The following GLT8D2 variants were observed in gnomAD, a reference collection of about 807,000 sequenced individuals.
GLT8D2 encodes glycosyltransferase 8 domain-containing protein 2.
A neutral mutation model predicts 44.5 loss-of-function variants in GLT8D2; 45 were observed. The observed-to-expected ratio is 1.01, with a 90% CI of 0.80 to 1.30. GLT8D2 has a LOEUF of 1.30. Ranked by LOEUF, GLT8D2 falls within the 50% of genes most tolerant of loss-of-function variation. The pLI, the probability that GLT8D2 is intolerant of heterozygous loss-of-function variation, is 0.00. For synonymous variants in GLT8D2, 156 were observed against 157.2 expected (o/e 0.99, Z 0.06); for missense variants, 400 against 430.4 (o/e 0.93, Z 0.62).
At chr12:104,052,794 T>G (rs1881838148), upstream of GLT8D2, among the ~76,000 whole-genome samples, 1 of 151,968 alleles carries the variant, frequency 6.6e-6, no homozygotes, top group South Asian at 2.1e-4. Context: ...TGTAGAGACG[T>G]GTCTTGCTAT....
At chr12:104,016,709 G>GAGAA (rs550246831) in intron 3 of GLT8D2, among the ~76,000 whole-genome samples, 1,748 of 72,566 alleles carry the variant, frequency 0.024, 52 homozygotes, top group East Asian at 0.05. Flanking sequence ...GAAAGGGAGA[G>GAGAA]AGAAAGAAAG....
intron 1 of GLT8D2, among the ~76,000 whole-genome samples, chr12:104,030,383 AT>A (rs1306781872): frequency 6.6e-6 from 1 of 151,874 alleles, no homozygotes; most frequent in East Asian, 1.9e-4. Flanking sequence ...CATTTTTATT[AT>A]TTATTAATTT....
chr12:104,059,698 A>G (rs896273146), intron 1 of GLT8D2, among the ~76,000 whole-genome samples: 2 of 152,054 alleles, frequency 1.3e-5, no homozygotes, highest in African/African-American at 4.8e-5. Flanking sequence ...GTAGTCTGGG[A>G]AAGTTCTTAT....
At chr12:104,015,400 A>ACACG (rs1876434345) in intron 3 of GLT8D2, among the ~76,000 whole-genome samples, 2 of 144,262 alleles carry the variant, frequency 1.4e-5, no homozygotes, top group African/African-American at 5.2e-5. Context: ...ACAAACACAC[A>ACACG]CACACACACA....
Position 104,004,393 on chromosome 12 carries a change from G to A in GLT8D2, c.113-1087C>T, listed in dbSNP as rs189427661. Among the ~76,000 whole-genome samples the A allele has an allele frequency of 1.8e-3, 267 of 152,270 alleles. 1 individual carries two copies. Among genetic ancestry groups the A allele is most frequent in the African/African-American group, 6.2e-3 (259 of 41,544 alleles). ...AGTTCTGGCCAGGGCAATCAGGCAG[G>A]AGAAAGAAATAAAGGGTATTCATTT... On this transcript the variant is annotated intron_variant, in intron 4 of 10. Coordinates refer to ENST00000360814, the MANE Select transcript of GLT8D2 (RefSeq NM_001384711.1).
chr12:104,019,118 C>CTTTTTTTTTTTTTTT (rs11291563), intron 3 of GLT8D2, among the ~76,000 whole-genome samples: 1 of 116,466 alleles, frequency 8.6e-6, no homozygotes. Flanking sequence ...ACTTCTTCTT[C>CTTTTTTTTTTTTTTT]TTTTTTTTTT....
At chr12:104,048,056 C>T (rs539056890) in intron 1 of GLT8D2, among the ~76,000 whole-genome samples, 30 of 152,334 alleles carry the variant, frequency 2.0e-4, no homozygotes, top group African/African-American at 6.7e-4. Flanking sequence ...AGTTTGCTGA[C>T]TTCTGATCTC....
chr12:104,051,161 C>T (rs898833392), upstream of GLT8D2, among the ~76,000 whole-genome samples: 3 of 151,250 alleles, frequency 2.0e-5, no homozygotes, highest in African/African-American at 7.3e-5. Flanking sequence ...TGCTCTGTTA[C>T]TCAGGCTGGA....
intron 3 of GLT8D2, among the ~76,000 whole-genome samples, chr12:104,018,754 T>G (rs1053692005): frequency 6.6e-6 from 1 of 152,120 alleles, no homozygotes; most frequent in Non-Finnish European, 1.5e-5. Context: ...TCATGCAATA[T>G]TTGGGACATA....
chr12:103,997,531 T>G lies in GLT8D2; in HGVS notation c.407A>C (p.Asn136Thr), dbSNP rs117446651. Residue 136 changes from asparagine (N) to threonine (T), a missense_variant, in exon 7 of 11, where the codon AAC becomes ACC. Transcript: ENST00000360814. ...TAGAGGGAGATAAAATCGAACAAAG[T>G]TCAGCTGTTAAAACGACAAAAGAAA... ...SSRPELLQPL[N>T]FVRFYLPLLI... 2.0e-5 allele frequency: 33 copies of G among 1,612,422 alleles called. No individual in the cohort carries two copies. The highest frequency in any genetic ancestry group is 2.5e-5 in the Non-Finnish European group (29 of 1,178,506).
In GLT8D2 at chr12:104,019,589, A is replaced by G. The variant is rs752289245; in HGVS notation, c.19+41T>C. 4.6e-6 allele frequency: 7 copies of G among 1,516,590 alleles called. No individual in the cohort carries two copies. The African/African-American group carries it at 8.2e-5, about 18-fold the overall frequency. 93.9% of individuals were successfully genotyped at this position (1,516,590 alleles called of 1,614,324 possible). The stretch of plus-strand genomic sequence containing the variant: ...CCCAGCCTCAAAACCATCCTCCCAA[A>G]TATGTTTTTAAATCATTATTTTCAA... On this transcript the variant is annotated intron_variant, in intron 3 of 10. Coordinates refer to ENST00000360814, the MANE Select transcript of GLT8D2 (RefSeq NM_001384711.1).
intron 1 of GLT8D2, among the ~76,000 whole-genome samples, chr12:104,035,440 C>T (rs1056852101): frequency 6.6e-6 from 1 of 152,020 alleles, no homozygotes; most frequent in Non-Finnish European, 1.5e-5. Flanking sequence ...ATACAAATGG[C>T]AAACTAGAAC....
intron 8 of GLT8D2, 24 bp downstream of exon 8, chr12:103,996,711 A>G: frequency 2.6e-6 from 4 of 1,526,066 alleles, no homozygotes; most frequent in Non-Finnish European, 3.6e-6. Context: ...TGAAGGGAGG[A>G]TTTCTGAGAC....
In GLT8D2 at chr12:103,989,294, A is replaced by G; in HGVS notation, c.*114T>C. The G allele has an allele frequency of 2.1e-6, 2 of 939,522 alleles. No homozygotes were observed. The highest frequency in any genetic ancestry group is 1.5e-6 in the Non-Finnish European group (1 of 646,838). 58.2% of individuals were successfully genotyped at this position (939,522 alleles called of 1,614,324 possible). The stretch of plus-strand genomic sequence containing the variant: ...TTGCACACAGTAGTTTTTGGTTTTT[A>G]TATTGTGGATCATATGTATCAAAGG... On this transcript the variant is annotated 3_prime_UTR_variant, in exon 11 of 11. Transcript: ENST00000360814.
chr12:104,050,348 C>T (rs1881594258), upstream of GLT8D2: 1 of 152,242 alleles, frequency 6.6e-6, no homozygotes, highest in Admixed American at 6.5e-5. Flanking sequence ...ATTTCTACCA[C>T]ACGTTGAGTC....
intron 10 of GLT8D2, among the ~76,000 whole-genome samples, chr12:103,991,125 A>G (rs551812146): frequency 2.9e-4 from 44 of 152,316 alleles, no homozygotes; most frequent in African/African-American, 1.0e-3. Flanking sequence ...TCCTACAAAG[A>G]AAAACGACAT....
At chr12:104,021,939 GAAGAAGAAGAA>G (rs1566202481) in intron 1 of GLT8D2, among the ~76,000 whole-genome samples, 759 of 26,732 alleles carry the variant, frequency 0.028, 68 homozygotes, top group East Asian at 0.12. Context: ...AGAAGAAGAA[GAAGAAGAAGAA>G]GAAGAGGAAG....
intron 4 of GLT8D2, among the ~76,000 whole-genome samples, chr12:104,010,477 A>G (rs1034885668): frequency 7.2e-5 from 11 of 152,150 alleles, no homozygotes; most frequent in African/African-American, 2.4e-4. Flanking sequence ...CACCTTCTCT[A>G]TGCTGTGGCC....
chr12:104,029,121 C>T (rs138304799), intron 1 of GLT8D2, among the ~76,000 whole-genome samples: 3,237 of 152,192 alleles, frequency 0.021, 50 homozygotes, highest in Non-Finnish European at 0.03. Flanking sequence ...GAAACACCAT[C>T]TCTACTAAAA....
Sources: gnomAD v4.1 joint callset for allele counts (sites outside exome capture counted in the v4.1 genomes callset) on GRCh38, gnomAD v4.1.1 for gene constraint, MANE v1.5 for transcripts, NCBI Gene and HGNC (gene_info 2026-07-23, HGNC 2026-07-21) for gene names.